CSMD1: variants seen among roughly 807,000 people sequenced by gnomAD.
The protein encoded by CSMD1 is CUB and Sushi multiple domains 1.
CSMD1 carries 213 observed loss-of-function variants against 417.5 expected under a neutral mutation model. That is an observed-to-expected ratio of 0.51 (90% CI 0.46 to 0.57). CSMD1 has a LOEUF of 0.57. CSMD1 is among the 20% of genes least tolerant of loss of function. The pLI is 0.00. For synonymous variants in CSMD1, 2,862 were observed against 1,736.8 expected, an observed-to-expected ratio of 1.65 and a Z score of -16.11; for missense variants, 6,923 against 4,529.7, an observed-to-expected ratio of 1.53 and a Z score of -15.17.
At chr8:3,797,004 A>G (rs1046769912) in intron 5 of CSMD1, among the ~76,000 whole-genome samples, 6 of 151,840 alleles carry the variant, frequency 4.0e-5, no homozygotes, top group African/African-American at 1.4e-4. Flanking sequence ...AATATTTAAT[A>G]ATGTTGTTAA....
intron 7 of CSMD1, among the ~76,000 whole-genome samples, chr8:3,676,653 G>A (rs1305399377): frequency 6.6e-6 from 1 of 152,108 alleles, no homozygotes; most frequent in Non-Finnish European, 1.5e-5. Context: ...ACACACATGT[G>A]GGTAGAGTAT....
intron 1 of CSMD1, among the ~76,000 whole-genome samples, chr8:4,850,938 C>T (rs1278453070): frequency 7.9e-6 from 1 of 125,814 alleles, no homozygotes; most frequent in Non-Finnish European, 1.7e-5. Context: ...TTTTTTTATC[C>T]TTGTTAATTT....
intron 8 of CSMD1, among the ~76,000 whole-genome samples, chr8:3,607,301 T>C (rs899941502): frequency 6.6e-6 from 1 of 152,200 alleles, no homozygotes; most frequent in Non-Finnish European, 1.5e-5. Flanking sequence ...GAAGCTGTCA[T>C]GTCCAATGAT....
intron 1 of CSMD1, among the ~76,000 whole-genome samples, chr8:4,728,520 T>G (rs1585008273): frequency 6.6e-6 from 1 of 152,110 alleles, no homozygotes; most frequent in Non-Finnish European, 1.5e-5. Flanking sequence ...CTAGGTGAAA[T>G]AAATAATCTC....
rs1025708549 is a variant in CSMD1 at position 3,784,159 on chromosome 8, A to G, written c.819-30117T>C. 4.6e-5 allele frequency among the ~76,000 whole-genome samples: 7 copies of G among 152,346 alleles called. No homozygotes were observed. The South Asian group carries it at 8.3e-4, about 18-fold the overall frequency. On this transcript the variant is annotated intron_variant, in intron 5 of 69. Transcript: ENST00000635120. ...CTCTCTTTCTCTCTCTCATGCATAC[A>G]TATAGTAGACATGTAAGTGTCACAC...
chr8:4,415,822 T>C (rs1796902992), intron 3 of CSMD1, among the ~76,000 whole-genome samples: 1 of 152,194 alleles, frequency 6.6e-6, no homozygotes, highest in Non-Finnish European at 1.5e-5. Flanking sequence ...TTTTTGAGTA[T>C]GTATTTGTGT....
At chr8:4,492,241 G>C (rs1154092) in intron 2 of CSMD1, among the ~76,000 whole-genome samples, 1 of 152,054 alleles carries the variant, frequency 6.6e-6, no homozygotes, top group East Asian at 1.9e-4. Context: ...AGGCATATGT[G>C]AGCATGCTCA....
intron 2 of CSMD1, among the ~76,000 whole-genome samples, chr8:4,566,540 C>G (rs542733322): frequency 6.6e-6 from 1 of 151,362 alleles, no homozygotes; most frequent in South Asian, 2.1e-4. Flanking sequence ...GCAGTCCCAC[C>G]TACTCGGGAG....
chr8:3,777,424 T>G (rs2129061513), intron 5 of CSMD1, among the ~76,000 whole-genome samples: 1 of 152,264 alleles, frequency 6.6e-6, no homozygotes, highest in African/African-American at 2.4e-5. Flanking sequence ...TGGGGCATCC[T>G]GTCAGGCCTC....
chr8:3,008,633 C>A (rs865302), intron 52 of CSMD1, among the ~76,000 whole-genome samples: 9 of 152,056 alleles, frequency 5.9e-5, no homozygotes, highest in African/African-American at 2.2e-4. Context: ...AGCATGCCCC[C>A]CTGGGTGACC....
At chr8:3,961,757 T>A (rs1159728247) in intron 5 of CSMD1, among the ~76,000 whole-genome samples, 1 of 152,236 alleles carries the variant, frequency 6.6e-6, no homozygotes, top group Non-Finnish European at 1.5e-5. Context: ...CGGTCTTTCA[T>A]GATGAAGGCA....
intron 52 of CSMD1, among the ~76,000 whole-genome samples, chr8:3,007,348 TG>T (rs1455803862): frequency 6.6e-6 from 1 of 151,942 alleles, no homozygotes; most frequent in Non-Finnish European, 1.5e-5. Flanking sequence ...TCAACCATTG[TG>T]GAAGTCAGTG....
At chr8:4,869,385 AT>A (rs1292020958) in intron 1 of CSMD1, among the ~76,000 whole-genome samples, 2 of 152,020 alleles carry the variant, frequency 1.3e-5, no homozygotes, top group East Asian at 3.8e-4. Flanking sequence ...AATCACTCGA[AT>A]TTCATAACTT....
intron 3 of CSMD1, among the ~76,000 whole-genome samples, chr8:4,285,159 T>C (rs1312605098): frequency 6.6e-6 from 1 of 152,214 alleles, no homozygotes; most frequent in Non-Finnish European, 1.5e-5. Context: ...GTCCACAAGT[T>C]TTACTCCATG....
intron 4 of CSMD1, among the ~76,000 whole-genome samples, chr8:4,010,407 A>C (rs73182048): frequency 0.087 from 13,198 of 152,210 alleles, 625 homozygotes; most frequent in Middle Eastern, 0.15. Context: ...CTACCTCTGC[A>C]CAAATTCTCG....
At chr8:4,171,984 G>C (rs1300512749) in intron 3 of CSMD1, among the ~76,000 whole-genome samples, 4 of 151,996 alleles carry the variant, frequency 2.6e-5, no homozygotes, top group South Asian at 2.1e-4. Flanking sequence ...TCCTTCATTT[G>C]AATATCACGG....
intron 7 of CSMD1, among the ~76,000 whole-genome samples, chr8:3,694,658 G>C (rs1330508373): frequency 6.6e-6 from 1 of 152,000 alleles, no homozygotes; most frequent in Non-Finnish European, 1.5e-5. Flanking sequence ...GGACACAGCA[G>C]TGGAGGAGGT....
At chr8:4,669,277 T>C (rs969111380) in intron 1 of CSMD1, among the ~76,000 whole-genome samples, 7 of 152,184 alleles carry the variant, frequency 4.6e-5, no homozygotes, top group African/African-American at 1.7e-4. Flanking sequence ...TCTGTTATCG[T>C]TTATATTTAT....
chr8:3,662,857 G>T (rs765852705), intron 7 of CSMD1, among the ~76,000 whole-genome samples: 91 of 152,114 alleles, frequency 6.0e-4, no homozygotes, highest in Middle Eastern at 3.4e-3. Context: ...GGGAAAGAGG[G>T]GGGAGAGCAT....
Sources: gnomAD v4.1 joint callset for allele counts (sites outside exome capture counted in the v4.1 genomes callset) on GRCh38, gnomAD v4.1.1 for gene constraint, MANE v1.5 for transcripts, NCBI Gene and HGNC (gene_info 2026-07-23, HGNC 2026-07-21) for gene names.